Variants in AVIL observed in about 807,000 individuals in gnomAD.
AVIL encodes the protein advillin.
Under a neutral mutation model 109.9 loss-of-function variants are expected in AVIL, and 78 were observed. The observed-to-expected ratio is 0.71, with a 90% CI of 0.59 to 0.86. The LOEUF (loss-of-function observed/expected upper bound fraction) is 0.86. Ranked by LOEUF, AVIL falls within the 40% of genes least tolerant of loss-of-function variation. The pLI is 0.00. For synonymous variants in AVIL, 367 were observed against 379.1 expected, an observed-to-expected ratio of 0.97 and a Z score of 0.37; for missense variants, 892 against 1,016.5, an observed-to-expected ratio of 0.88 and a Z score of 1.67.
At chr12:57,810,671 G>A in intron 6 of AVIL, 120 bp from the exon 7 acceptor site, 1 of 1,380,264 alleles carries the variant, frequency 7.2e-7, no homozygotes. Flanking sequence ...GGAGTCCAGG[G>A]TGAGTCACAA....
chr12:57,799,731 G>T, intron 19 of AVIL, 64 bp downstream of exon 19: 1 of 1,605,276 alleles, frequency 6.2e-7, no homozygotes. Context: ...GCCATTTGCT[G>T]AGCTGAGTTT....
chr12:57,818,415 TC>T (rs1362151037), intron 1 of AVIL, among the ~76,000 whole-genome samples: 2 of 152,010 alleles, frequency 1.3e-5, no homozygotes, highest in Non-Finnish European at 2.9e-5. Context: ...GGTCTGTCTT[TC>T]CCAGCTTTTG....
In AVIL at chr12:57,803,670, C is replaced by T. The variant is rs34614952; in HGVS notation, c.1672-1G>A. On this transcript the variant is annotated splice_acceptor_variant, in intron 14 of 19. Coordinates refer to ENST00000549994, the MANE Select transcript of AVIL (RefSeq NM_006576.4). LOFTEE classifies it high-confidence loss of function. ...TTGCCCGCTCATCCCCACTAGACCC[C>T]TGAGAGTGGGGCGAGGAGAGCACAG... 6.2e-7 allele frequency: 1 copy of T among 1,613,834 alleles called. No individual in the cohort carries two copies. Among genetic ancestry groups the T allele is most frequent in the East Asian group, 2.2e-5 (1 of 44,872 alleles).
chr12:57,803,747 AATAACTCAGTGTGCCAG>A, intron 14 of AVIL, 78 bp from the exon 15 acceptor site: 6 of 1,545,122 alleles, frequency 3.9e-6, no homozygotes, highest in South Asian at 1.2e-5. Context: ...ATCTGAGACT[AATAACTCAGTGTGCCAG>A]GATCAGCTAC....
At chr12:57,806,640 G>T in intron 13 of AVIL, 101 bp from the exon 14 acceptor site, 1 of 1,350,364 alleles carries the variant, frequency 7.4e-7, no homozygotes, top group Non-Finnish European at 1.0e-6. Context: ...TATTATGTTT[G>T]CCCTTGAGGA....
Position 57,818,182 on chromosome 12 carries a change from C to CTTTTTTTTTTTTTT in AVIL, c.-20+433_-20+446dup, listed in dbSNP as rs66731427. 3.0e-3 allele frequency among the ~76,000 whole-genome samples: 106 copies of CTTTTTTTTTTTTTT among 35,272 alleles called. 25 individuals carry two copies. Among genetic ancestry groups the CTTTTTTTTTTTTTT allele is most frequent in the East Asian group, 5.4e-3 (3 of 560 alleles). The allele number at this position is 35,272 out of a possible 152,430, so 23.1% of individuals were successfully genotyped here. A position where few individuals can be genotyped will look rare whatever the true frequency, so the allele number is the denominator to read the frequency against. On this transcript the variant is annotated intron_variant, in intron 1 of 19. Transcript: ENST00000549994. ...CACAGGTGTGCACCACCATGCTTGG[C>CTTTTTTTTTTTTTT]TTTTTTTTTTTTTTTTTTTTTTTTT...
At chr12:57,801,392 A>G (rs1218327588) in intron 17 of AVIL, 180 bp from the exon 18 acceptor site, 2 of 503,372 alleles carry the variant, frequency 4.0e-6, no homozygotes, top group Non-Finnish European at 7.1e-6. Context: ...GTGCTTAAAC[A>G]TAACGCACAT....
chr12:57,797,849 TG>T lies in AVIL; in HGVS notation c.*32del. ...GATATTGGCACTATCTGCTCTTTTC[TG>T]TGGCCTTGCAATAGGTATAGGCCTT... On this transcript the variant is annotated 3_prime_UTR_variant, in exon 20 of 20. Coordinates refer to ENST00000549994, the MANE Select transcript of AVIL (RefSeq NM_006576.4). 18 of 1,492,804 alleles carry T rather than the reference TG, an allele frequency of 1.2e-5. No homozygotes were observed. The highest frequency in any genetic ancestry group is 1.6e-5 in the Non-Finnish European group (18 of 1,102,332). The allele number at this position is 1,492,804 out of a possible 1,614,324, so 92.5% of individuals were successfully genotyped here. A position where few individuals can be genotyped will look rare whatever the true frequency, so the allele number is the denominator to read the frequency against.
intron 18 of AVIL, 118 bp from the exon 19 acceptor site, chr12:57,800,038 A>G: frequency 2.3e-6 from 3 of 1,328,128 alleles, no homozygotes; most frequent in Non-Finnish European, 3.1e-6. Context: ...CTCTGTAATC[A>G]TCTTTGATAA....
At chr12:57,817,769 G>A (rs941616833) in intron 1 of AVIL, among the ~76,000 whole-genome samples, 1 of 152,162 alleles carries the variant, frequency 6.6e-6, no homozygotes, top group Non-Finnish European at 1.5e-5. Context: ...CAGGCACCCC[G>A]AATGCGAGAG....
At chr12:57,816,150 TGTC>T in intron 1 of AVIL, 91 bp from the exon 2 acceptor site, 2 of 1,077,220 alleles carry the variant, frequency 1.9e-6, no homozygotes, top group Non-Finnish European at 1.4e-6. Context: ...CCCAGTCTGT[TGTC>T]AGCCATCCTG....
intron 3 of AVIL, among the ~76,000 whole-genome samples, chr12:57,813,625 C>T (rs768618137): frequency 3.3e-5 from 5 of 152,228 alleles, no homozygotes; most frequent in African/African-American, 4.8e-5. Flanking sequence ...AATTCCTCCC[C>T]GCATTTGGGG....
rs367900033 is a variant in AVIL, at chr12:57,806,512, C to G, written c.1519G>C (p.Glu507Gln). 4 of 1,614,080 alleles carry G rather than the reference C, an allele frequency of 2.5e-6. No homozygotes were observed. Among genetic ancestry groups the G allele is most frequent in the Non-Finnish European group, 2.5e-6 (3 of 1,180,008 alleles). ...AAGAGTCTTACTGGAGGGTCAGGCTCGGCATTTCCCTTCCTGGAAGTCCCA... is the reference window on the plus strand; with the variant it reads ...AAGAGTCTTACTGGAGGGTCAGGCTGGGCATTTCCCTTCCTGGAAGTCCCA... ...EGGTSRKGNA[E>Q]PDPPVRLFQI... The change falls in exon 14 of 20, where the codon GAG (glutamate) becomes CAG (glutamine). Residue 507 changes from glutamate (E) to glutamine (Q), a missense_variant. Coordinates refer to ENST00000549994, the MANE Select transcript of AVIL (RefSeq NM_006576.4).
chr12:57,805,779 C>T (rs915195452), intron 14 of AVIL: 1 of 151,860 alleles, frequency 6.6e-6, no homozygotes, highest in African/African-American at 2.4e-5. Context: ...TTGTGATCCT[C>T]CTGCCTCGGC....
intron 19 of AVIL, among the ~76,000 whole-genome samples, 186 bp downstream of exon 19, chr12:57,799,609 T>A (rs1342232137): frequency 1.3e-5 from 2 of 152,180 alleles, no homozygotes; most frequent in African/African-American, 4.8e-5. Context: ...GCTGATAGAC[T>A]GATGTAGGTG....
At position 57,818,733 on chromosome 12, in the gene AVIL, T is replaced by C. The variant is rs1956126070; in HGVS notation, c.-124A>G. ...AGGCTCCAGGTCCTGCTGCCTTAGC[T>C]TAGTAATGGCCGCAGAGATACTGGG... On this transcript the variant is annotated 5_prime_UTR_variant, in exon 1 of 20. Transcript: ENST00000549994. The C allele has an allele frequency of 6.6e-6, 1 of 152,230 alleles. No homozygotes were observed. Among genetic ancestry groups the C allele is most frequent in the South Asian group, 2.1e-4 (1 of 4,826 alleles). The allele number at this position is 152,230 out of a possible 1,614,324, so 9.4% of individuals were successfully genotyped here.
At chr12:57,800,031 T>C in intron 18 of AVIL, 111 bp from the exon 19 acceptor site, 1 of 1,371,176 alleles carries the variant, frequency 7.3e-7, no homozygotes, top group Non-Finnish European at 1.0e-6. Context: ...CTTCACCCTC[T>C]GTAATCATCT....
chr12:57,803,474 G>A, intron 15 of AVIL, 50 bp downstream of exon 15: 1 of 1,613,760 alleles, frequency 6.2e-7, no homozygotes, highest in South Asian at 1.1e-5. Context: ...CAATTCACAA[G>A]CCTGGCAGGC....
intron 1 of AVIL, among the ~76,000 whole-genome samples, chr12:57,816,873 G>T (rs757064399): frequency 6.6e-6 from 1 of 152,032 alleles, no homozygotes; most frequent in Non-Finnish European, 1.5e-5. Flanking sequence ...GCCTGGTCTG[G>T]CCTGCGGACA....
Sources: allele counts gnomAD v4.1 joint callset (sites outside exome capture counted in the v4.1 genomes callset), GRCh38; gene constraint gnomAD v4.1.1; transcripts MANE v1.5; gene names NCBI Gene and HGNC (gene_info 2026-07-23, HGNC 2026-07-21).